CERS6: variants seen among roughly 807,000 people sequenced by gnomAD.
CERS6 encodes the protein LAG1 homolog, ceramide synthase 6.
Under a neutral mutation model 56.8 loss-of-function variants are expected in CERS6, and 26 were observed. The ratio of observed to expected loss-of-function variants is 0.46; its 90% CI spans 0.34 to 0.63. CERS6 has a LOEUF of 0.63. CERS6 is among the 30% of genes least tolerant of loss of function. The pLI is 0.01. For synonymous variants in CERS6, 164 were observed against 173.3 expected, an observed-to-expected ratio of 0.95 and a Z score of 0.42; for missense variants, 415 against 467.5, an observed-to-expected ratio of 0.89 and a Z score of 1.04.
chr2:168,538,740 A>T (rs887707993), intron 1 of CERS6, among the ~76,000 whole-genome samples: 17 of 152,186 alleles, frequency 1.1e-4, no homozygotes, highest in African/African-American at 4.1e-4. Context: ...ATGCTCACTG[A>T]GTCATTTTGT....
intron 1 of CERS6, among the ~76,000 whole-genome samples, chr2:168,461,068 C>G (rs899032540): frequency 2.0e-5 from 3 of 151,976 alleles, no homozygotes; most frequent in African/African-American, 7.2e-5. Context: ...TACTAGGAAA[C>G]AGTGGGGGTA....
intron 3 of CERS6, among the ~76,000 whole-genome samples, chr2:168,597,818 C>T (rs1683836266): frequency 6.6e-6 from 1 of 152,192 alleles, no homozygotes; most frequent in Non-Finnish European, 1.5e-5. Flanking sequence ...ATGTCTTTGT[C>T]AGAGGAGCTA....
intron 8 of CERS6, among the ~76,000 whole-genome samples, chr2:168,729,388 A>G (rs759467164): frequency 3.3e-5 from 5 of 152,214 alleles, no homozygotes; most frequent in Admixed American, 2.6e-4. Flanking sequence ...CAGCACAGTT[A>G]TATACCAGGC....
At chr2:168,540,390 A>G (rs914039368) in intron 1 of CERS6, among the ~76,000 whole-genome samples, 2 of 152,210 alleles carry the variant, frequency 1.3e-5, no homozygotes, top group African/African-American at 4.8e-5. Flanking sequence ...GCAAAGAAGA[A>G]GCAGGCACCT....
chr2:168,537,647 A>T (rs549838812), intron 1 of CERS6, among the ~76,000 whole-genome samples: 1 of 152,314 alleles, frequency 6.6e-6, no homozygotes, highest in African/African-American at 2.4e-5. Flanking sequence ...CTCAGACATT[A>T]AACATTGGAG....
At chr2:168,631,545 T>A (rs371606127) in intron 4 of CERS6, among the ~76,000 whole-genome samples, 14 of 73,286 alleles carry the variant, frequency 1.9e-4, no homozygotes, top group South Asian at 5.7e-4. Flanking sequence ...TTAAATATAT[T>A]ATATTTTTAA....
intron 6 of CERS6, among the ~76,000 whole-genome samples, chr2:168,710,591 T>C (rs964961472): frequency 1.3e-5 from 2 of 152,230 alleles, no homozygotes; most frequent in Non-Finnish European, 2.9e-5. Context: ...GGTAGAACAC[T>C]ATACTCCACA....
chr2:168,710,430 G>A (rs185379494), intron 6 of CERS6, among the ~76,000 whole-genome samples: 2 of 152,288 alleles, frequency 1.3e-5, no homozygotes, highest in Non-Finnish European at 2.9e-5. Context: ...TTTGAAATCT[G>A]TGTATTAAGC....
At chr2:168,559,449 C>G (rs539231804) in intron 2 of CERS6, among the ~76,000 whole-genome samples, 32 of 152,096 alleles carry the variant, frequency 2.1e-4, no homozygotes, top group African/African-American at 7.7e-4. Context: ...GGTGAAGGTC[C>G]TCTTCCTGGT....
chr2:168,639,378 A>G (rs1684935336), intron 4 of CERS6, among the ~76,000 whole-genome samples: 1 of 152,234 alleles, frequency 6.6e-6, no homozygotes, highest in Non-Finnish European at 1.5e-5. Flanking sequence ...TTCACTCTGC[A>G]TTAGCTGAAC....
chr2:168,611,353 T>C (rs1467155010), intron 3 of CERS6, among the ~76,000 whole-genome samples: 1 of 152,172 alleles, frequency 6.6e-6, no homozygotes, highest in Admixed American at 6.5e-5. Flanking sequence ...AGAGCCAAGT[T>C]TAACCAGCTC....
chr2:168,467,823 C>T (rs1693907461), intron 1 of CERS6, among the ~76,000 whole-genome samples: 1 of 152,052 alleles, frequency 6.6e-6, no homozygotes, highest in Admixed American at 6.6e-5. Context: ...TTGAGAAATA[C>T]TGTTCTGTAA....
intron 1 of CERS6, among the ~76,000 whole-genome samples, chr2:168,474,990 C>T (rs948808295): frequency 5.3e-5 from 8 of 152,132 alleles, no homozygotes; most frequent in Non-Finnish European, 8.8e-5. Context: ...TGTAAACAAG[C>T]AACAAGTAAC....
chr2:168,575,831 GC>G lies in CERS6; in HGVS notation c.407+14512del, dbSNP rs1344480222. On this transcript the variant is annotated intron_variant, in intron 3 of 9. Transcript: ENST00000305747. ...ACCCCTTGGCCTTTGCTCAAGTTCTGCCCACCTGCCCCAACCTGGGATGCCC... is the reference window on the plus strand; with the variant it reads ...ACCCCTTGGCCTTTGCTCAAGTTCTGCCACCTGCCCCAACCTGGGATGCCC... Among the ~76,000 whole-genome samples the G allele has an allele frequency of 3.9e-5, 6 of 151,988 alleles. No homozygotes were observed. In the South Asian group the frequency reaches 1.2e-3, roughly 32 times the overall value.
At chr2:168,564,392 T>C (rs762527709) in intron 3 of CERS6, among the ~76,000 whole-genome samples, 1 of 152,228 alleles carries the variant, frequency 6.6e-6, no homozygotes, top group Admixed American at 6.5e-5. Flanking sequence ...TGCTTTCATA[T>C]GTCTCCTTAT....
intron 3 of CERS6, among the ~76,000 whole-genome samples, chr2:168,573,029 G>A (rs1696019422): frequency 6.6e-6 from 1 of 152,088 alleles, no homozygotes; most frequent in African/African-American, 2.4e-5. Flanking sequence ...GAAGGAGGAG[G>A]CAGGAAAGGG....
chr2:168,650,512 T>G (rs1243025397), intron 4 of CERS6, among the ~76,000 whole-genome samples: 1 of 152,226 alleles, frequency 6.6e-6, no homozygotes, highest in Non-Finnish European at 1.5e-5. Flanking sequence ...CTTCTTTAAA[T>G]GAAATAGCCC....
At chr2:168,621,696 A>G (rs1168462277) in intron 3 of CERS6, among the ~76,000 whole-genome samples, 1 of 152,202 alleles carries the variant, frequency 6.6e-6, no homozygotes, top group East Asian at 1.9e-4. Flanking sequence ...ATCCCAATAA[A>G]GAACAATATG....
At chr2:168,718,745 A>T (rs1285057225) in intron 8 of CERS6, among the ~76,000 whole-genome samples, 3 of 152,190 alleles carry the variant, frequency 2.0e-5, no homozygotes, top group Non-Finnish European at 2.9e-5. Context: ...TTCCTGTATG[A>T]TTTTTCTACT....
Sources: allele counts gnomAD v4.1 joint callset (sites outside exome capture counted in the v4.1 genomes callset), GRCh38; gene constraint gnomAD v4.1.1; transcripts MANE v1.5; gene names NCBI Gene and HGNC (gene_info 2026-07-23, HGNC 2026-07-21).